BCL11B: variants seen among roughly 807,000 people sequenced by gnomAD.
BCL11B encodes the protein B-cell lymphoma/leukemia 11B.
BCL11B carries 8 observed loss-of-function variants against 49.9 expected under a neutral mutation model. That is an observed-to-expected ratio of 0.16 (90% confidence interval 0.09 to 0.29). The LOEUF is 0.29. Among genes scored for constraint, BCL11B ranks in the 10% least tolerant of loss-of-function variants. BCL11B has a pLI of 1.00. For missense variants in BCL11B, 1,006 were observed against 1,351.0 expected (o/e 0.74, Z 4.00); for synonymous variants, 739 against 637.4 (o/e 1.16, Z -2.40).
chr14:99,174,427 C>T lies in BCL11B; in HGVS notation c.2409G>A (p.Lys803=). Residue 803 remains lysine (K), a synonymous_variant, in exon 4 of 4, where the codon AAG becomes AAA. Coordinates refer to ENST00000357195, the MANE Select transcript of BCL11B (RefSeq NM_138576.4). ...RRSDTCEYCG[K]VFKNCSNLTV... ...TCAAGTTGCTGCAGTTCTTGAACACCTTGCCGCAGTACTCGCACGTGTCGC... is the reference window on the plus strand; with the variant it reads ...TCAAGTTGCTGCAGTTCTTGAACACTTTGCCGCAGTACTCGCACGTGTCGC... 1 of 1,612,966 alleles carries T rather than the reference C, an allele frequency of 6.2e-7. No homozygotes were observed. Among genetic ancestry groups the T allele is most frequent in the Non-Finnish European group, 8.5e-7 (1 of 1,179,782 alleles).
chr14:99,197,588 G>C (rs565559549), intron 3 of BCL11B, among the ~76,000 whole-genome samples: 19 of 152,300 alleles, frequency 1.2e-4, no homozygotes, highest in Admixed American at 3.3e-4. Context: ...AGCCCTTGCT[G>C]TGGGGAGGAG....
chr14:99,237,209 C>A (rs1387533814), intron 2 of BCL11B, among the ~76,000 whole-genome samples: 1 of 150,620 alleles, frequency 6.6e-6, no homozygotes, highest in Non-Finnish European at 1.5e-5. Flanking sequence ...CTTCACTCCA[C>A]AGGTATTATT....
chr14:99,261,120 C>G (rs1897176644), intron 1 of BCL11B, among the ~76,000 whole-genome samples: 1 of 152,228 alleles, frequency 6.6e-6, no homozygotes. Flanking sequence ...CTGTGTGCGA[C>G]ACTTCCCAGG....
intron 1 of BCL11B, 34 bp downstream of exon 1, chr14:99,271,127 T>C (rs1595091555): frequency 6.5e-7 from 1 of 1,526,744 alleles, no homozygotes; most frequent in Non-Finnish European, 8.7e-7. Flanking sequence ...GAGCCCCATC[T>C]CCGGCCCCTC....
At chr14:99,223,442 A>T (rs912686704) in intron 3 of BCL11B, among the ~76,000 whole-genome samples, 37 of 152,278 alleles carry the variant, frequency 2.4e-4, no homozygotes, top group African/African-American at 8.9e-4. Flanking sequence ...CACACATTTG[A>T]TCTCAGGTAC....
At chr14:99,225,374 C>T (rs1179411624) in intron 3 of BCL11B, among the ~76,000 whole-genome samples, 1 of 152,130 alleles carries the variant, frequency 6.6e-6, no homozygotes, top group Non-Finnish European at 1.5e-5. Flanking sequence ...GAGAAGAACC[C>T]ATTTCTGGGC....
chr14:99,261,038 G>A (rs903781593), intron 1 of BCL11B, among the ~76,000 whole-genome samples: 3 of 152,196 alleles, frequency 2.0e-5, no homozygotes, highest in African/African-American at 7.2e-5. Flanking sequence ...AGATGACAGG[G>A]TGTTCACCCG....
Position 99,174,937 on chromosome 14 carries a change from C to A in BCL11B, c.1899G>T (p.Ala633=). ...AGCCGCCCGCGTCGTCGTCGTCGCC[C>A]GCGTCCCCGCCGCCCGCCGCACGCT... ...FLKRAAGGGD[A]GDDDDAGGCG... is the part of the protein sequence containing the mutation. The change falls in exon 4 of 4, where the codon GCG becomes GCT. Residue 633 remains alanine, a synonymous_variant. Transcript: ENST00000357195. 6 of 1,382,686 alleles carry A rather than the reference C, an allele frequency of 4.3e-6. No individual in the cohort carries two copies. The highest frequency in any genetic ancestry group is 5.6e-6 in the Non-Finnish European group (6 of 1,066,932). 85.7% of individuals were successfully genotyped at this position (1,382,686 alleles called of 1,614,324 possible).
At chr14:99,236,165 A>G (rs1888491344) in intron 2 of BCL11B, among the ~76,000 whole-genome samples, 1 of 152,216 alleles carries the variant, frequency 6.6e-6, no homozygotes, top group African/African-American at 2.4e-5. Flanking sequence ...GAAAGATTTG[A>G]GAGGCGAACG....
intron 3 of BCL11B, among the ~76,000 whole-genome samples, chr14:99,211,020 C>A (rs538884131): frequency 1.9e-4 from 29 of 152,252 alleles, no homozygotes; most frequent in South Asian, 4.2e-4. Context: ...CGACAATGAT[C>A]ATAATAATAA....
chr14:99,185,539 T>C (rs1886828958), intron 3 of BCL11B, among the ~76,000 whole-genome samples: 2 of 149,474 alleles, frequency 1.3e-5, no homozygotes, highest in Admixed American at 6.6e-5. Context: ...GTCCGCAAGG[T>C]AGGGAGCTGT....
Position 99,175,969 on chromosome 14 carries a change from G to T in BCL11B, c.867C>A (p.Phe289Leu). Reference protein sequence around the residue: ...LMNFLGDSNPFNLLRMTGPIL... With the variant: ...LMNFLGDSNPLNLLRMTGPIL... ...TGGGGCCCGTCATGCGCAGCAGGTT[G>T]AAGGGGTTGCTGTCGCCCAGGAAAT... The change falls in exon 4 of 4, where the codon TTC (phenylalanine) becomes TTA (leucine). Residue 289 changes from phenylalanine (F) to leucine (L), a missense_variant. Transcript: ENST00000357195. 1 of 1,495,020 alleles carries T rather than the reference G, an allele frequency of 6.7e-7. No individual in the cohort carries two copies. The highest frequency in any genetic ancestry group is 2.5e-5 in the East Asian group (1 of 40,770). 92.6% of individuals were successfully genotyped at this position (1,495,020 alleles called of 1,614,324 possible). A position where few individuals can be genotyped will look rare whatever the true frequency, so the allele number is the denominator to read the frequency against.
intron 3 of BCL11B, among the ~76,000 whole-genome samples, chr14:99,190,413 G>C (rs944334276): frequency 6.6e-6 from 1 of 152,230 alleles, no homozygotes; most frequent in Admixed American, 6.5e-5. Flanking sequence ...GCTTGAACCC[G>C]GGAAGTGGAG....
At position 99,184,941 on chromosome 14, in the gene BCL11B, C is replaced by T. The variant is rs1290706440; in HGVS notation, c.641-8746G>A. Among the ~76,000 whole-genome samples, 2 of 152,184 alleles carry T rather than the reference C, an allele frequency of 1.3e-5. No individual in the cohort carries two copies. Among genetic ancestry groups the T allele is most frequent in the East Asian group, 3.9e-4 (2 of 5,186 alleles). ...GAAAAACCTTAGGAAGCTGGGCCTA[C>T]ACCCCTCAAACAAAGAGCCCCAGCA... is the stretch of plus-strand genomic sequence containing the variant. On this transcript the variant is annotated intron_variant, in intron 3 of 3. Coordinates refer to ENST00000357195, the MANE Select transcript of BCL11B (RefSeq NM_138576.4). The surrounding 1 kb of genome is among the most constrained non-coding windows in gnomAD (Gnocchi z 6.1).
intron 2 of BCL11B, among the ~76,000 whole-genome samples, chr14:99,255,578 G>A (rs548731321): frequency 1.3e-5 from 2 of 152,292 alleles, no homozygotes; most frequent in East Asian, 3.9e-4. Flanking sequence ...CCTTCAATGT[G>A]AAATGAGGAT....
In BCL11B at chr14:99,192,931, G is replaced by A. The variant is rs1169537450; in HGVS notation, c.641-16736C>T. On this transcript the variant is annotated intron_variant, in intron 3 of 3. Transcript: ENST00000357195. This position sits in a 1 kb window ranked among gnomAD's most constrained non-coding sequence, Gnocchi z 4.0. The stretch of plus-strand genomic sequence containing the variant: ...TGGATAAAAGAGTGAATGAATGAAT[G>A]AGTAAATTAGTGAATAAGTGAATAA... Among the ~76,000 whole-genome samples the A allele has an allele frequency of 1.4e-5, 2 of 147,064 alleles. No individual in the cohort carries two copies. Among genetic ancestry groups the A allele is most frequent in the Non-Finnish European group, 1.5e-5 (1 of 66,414 alleles).
chr14:99,204,614 G>C (rs1887482523), intron 3 of BCL11B, among the ~76,000 whole-genome samples: 1 of 152,100 alleles, frequency 6.6e-6, no homozygotes, highest in East Asian at 1.9e-4. Flanking sequence ...TTCATCCCAG[G>C]GGCAGTCCCT....
At position 99,232,811 on chromosome 14, in the gene BCL11B, G is replaced by A. The variant is rs1180718380; in HGVS notation, c.428-1254C>T. Among the ~76,000 whole-genome samples, 2 of 152,144 alleles carry A rather than the reference G, an allele frequency of 1.3e-5. No homozygotes were observed. The highest frequency in any genetic ancestry group is 2.9e-5 in the Non-Finnish European group (2 of 68,028). ...CCCAGCTGTCTGGCCCCAGAACCAG[G>A]GCTCTTTCTCTGTAGCCCTGGTTTC... On this transcript the variant is annotated intron_variant, in intron 2 of 3. Coordinates refer to ENST00000357195, the MANE Select transcript of BCL11B (RefSeq NM_138576.4). This position sits in a 1 kb window ranked among gnomAD's most constrained non-coding sequence, Gnocchi z 5.1.
intron 3 of BCL11B, among the ~76,000 whole-genome samples, chr14:99,179,475 A>C (rs1264951095): frequency 2.0e-5 from 1 of 49,116 alleles, no homozygotes; most frequent in Non-Finnish European, 4.4e-5. Context: ...ATCCATCTTA[A>C]AAAAAAAAAA....
Sources: allele counts gnomAD v4.1 joint callset (sites outside exome capture counted in the v4.1 genomes callset), GRCh38; gene constraint gnomAD v4.1.1; non-coding constraint Gnocchi (gnomAD v3.1); transcripts MANE v1.5; gene names NCBI Gene and HGNC (gene_info 2026-07-23, HGNC 2026-07-21).